The following MAGI2 variants were observed in gnomAD, a reference collection of about 807,000 sequenced individuals.
MAGI2 encodes the protein membrane-associated guanylate kinase, WW and PDZ domain-containing protein 2.
MAGI2 carries 35 observed loss-of-function variants against 133.3 expected under a neutral mutation model. The ratio of observed to expected loss-of-function variants is 0.26; its 90% CI spans 0.20 to 0.35. The LOEUF is 0.35. MAGI2 is among the 10% of genes least tolerant of loss of function. MAGI2 has a pLI of 1.00. For missense variants in MAGI2, 1,636 were observed against 1,863.4 expected, an observed-to-expected ratio of 0.88 and a Z score of 2.25; for synonymous variants, 729 against 710.6, an observed-to-expected ratio of 1.03 and a Z score of -0.41.
rs1328765225 is a variant in MAGI2, at chr7:79,453,386, T to C, written c.-66A>G. On this transcript the variant is annotated 5_prime_UTR_variant, in exon 1 of 22. Coordinates refer to ENST00000354212, the MANE Select transcript of MAGI2 (RefSeq NM_012301.4). ...GTTAGGGGGGCTGGTGGTGAGAGAA[T>C]GAGGATGGAGGAGCAAGGGGGCCCA... 7 of 1,530,160 alleles carry C rather than the reference T, an allele frequency of 4.6e-6. No homozygotes were observed. Among genetic ancestry groups the C allele is most frequent in the Non-Finnish European group, 6.1e-6 (7 of 1,142,870 alleles). The allele number at this position is 1,530,160 out of a possible 1,614,324, so 94.8% of individuals were successfully genotyped here.
chr7:78,324,923 G>A (rs139185986), intron 9 of MAGI2, among the ~76,000 whole-genome samples: 1,658 of 152,204 alleles, frequency 0.011, 30 homozygotes, highest in African/African-American at 0.038. Context: ...CCAAGATCGC[G>A]CCATTGTACT....
chr7:78,184,091 G>A (rs1434832368), intron 13 of MAGI2, among the ~76,000 whole-genome samples: 6 of 152,236 alleles, frequency 3.9e-5, no homozygotes, highest in African/African-American at 1.2e-4. Context: ...AAACTACTGG[G>A]CCATTCTCCT....
chr7:79,077,354 G>A (rs373347728), intron 1 of MAGI2, among the ~76,000 whole-genome samples: 192 of 151,440 alleles, frequency 1.3e-3, no homozygotes, highest in African/African-American at 4.5e-3. Flanking sequence ...TCAGGAAATC[G>A]ATACCATCCT....
intron 7 of MAGI2, among the ~76,000 whole-genome samples, chr7:78,352,193 G>A (rs1402903613): frequency 6.6e-6 from 1 of 152,116 alleles, no homozygotes; most frequent in South Asian, 2.1e-4. Flanking sequence ...TGGTTGATAG[G>A]GGAGGGACAA....
At chr7:78,125,111 G>A (rs184939438) in intron 20 of MAGI2, among the ~76,000 whole-genome samples, 33 of 152,050 alleles carry the variant, frequency 2.2e-4, no homozygotes, top group African/African-American at 7.5e-4. Context: ...TGATCCTCCC[G>A]CCTCAGCCTC....
In MAGI2 at chr7:78,345,941, C is replaced by T. The variant is rs1343763966; in HGVS notation, c.1206G>A (p.Leu402=). The T allele has an allele frequency of 6.2e-7, 1 of 1,614,010 alleles. No individual in the cohort carries two copies. The highest frequency in any genetic ancestry group is 2.2e-5 in the East Asian group (1 of 44,886). Residue 402 remains leucine, a synonymous_variant, in exon 8 of 22, where the codon CTG becomes CTA. Coordinates refer to ENST00000354212, the MANE Select transcript of MAGI2 (RefSeq NM_012301.4). The part of the protein sequence containing the change: ...MPHTELGTKP[L]QAPGFREKPL... ...TCATACCTCGGAAACCTGGGGCCTG[C>T]AGGGGCTTTGTTCCAAGTTCTGTGT... is the stretch of plus-strand genomic sequence containing the variant.
intron 1 of MAGI2, among the ~76,000 whole-genome samples, chr7:79,214,620 A>G (rs1477860765): frequency 7.1e-6 from 1 of 141,204 alleles, no homozygotes; most frequent in Non-Finnish European, 1.5e-5. Flanking sequence ...AAATTTATAT[A>G]AATATATATA....
At chr7:78,271,528 G>A (rs1562723486) in intron 9 of MAGI2, among the ~76,000 whole-genome samples, 1 of 152,160 alleles carries the variant, frequency 6.6e-6, no homozygotes, top group Non-Finnish European at 1.5e-5. Flanking sequence ...CAGAAGGAAT[G>A]GTACCAGATC....
intron 1 of MAGI2, among the ~76,000 whole-genome samples, chr7:79,128,396 C>T (rs1324481784): frequency 4.6e-5 from 7 of 152,286 alleles, no homozygotes; most frequent in African/African-American, 1.7e-4. Flanking sequence ...AGATATACTG[C>T]TTCAACTCAT....
intron 1 of MAGI2, among the ~76,000 whole-genome samples, chr7:79,278,106 T>A (rs1446293781): frequency 1.3e-5 from 2 of 152,160 alleles, no homozygotes; most frequent in Non-Finnish European, 1.5e-5. Flanking sequence ...AGGGGGCAGA[T>A]CCCTCATGAA....
At chr7:78,651,247 T>C (rs1436645655) in intron 2 of MAGI2, among the ~76,000 whole-genome samples, 1 of 152,164 alleles carries the variant, frequency 6.6e-6, no homozygotes, top group African/African-American at 2.4e-5. Context: ...AGTTGCTTTC[T>C]GATAATTCAT....
intron 7 of MAGI2, among the ~76,000 whole-genome samples, chr7:78,365,525 T>TAAGTAA: frequency 6.6e-6 from 1 of 152,314 alleles, no homozygotes; most frequent in South Asian, 2.1e-4. Context: ...AGCCAGGGTT[T>TAAGTAA]CCTCATCTGT....
At position 78,255,045 on chromosome 7, in the gene MAGI2, C is replaced by G. The variant is rs1448219944; in HGVS notation, c.2047+898G>C. On this transcript the variant is annotated intron_variant, in intron 10 of 21. Coordinates refer to ENST00000354212, the MANE Select transcript of MAGI2 (RefSeq NM_012301.4). ...TGGGAAAACCAGGGCTTAGCCTGAT[C>G]CTTTTCCTTTACACTCTTTTTTCGA... 9 of 152,410 alleles carry G rather than the reference C, an allele frequency of 5.9e-5. No individual in the cohort carries two copies. In the East Asian group the frequency reaches 1.7e-3, roughly 29 times the overall value. The allele number at this position is 152,410 out of a possible 1,614,324, so 9.4% of individuals were successfully genotyped here. A position where few individuals can be genotyped will look rare whatever the true frequency, so the allele number is the denominator to read the frequency against.
chr7:79,265,619 C>CTA (rs1362994673), intron 1 of MAGI2, among the ~76,000 whole-genome samples: 1 of 152,028 alleles, frequency 6.6e-6, no homozygotes, highest in Non-Finnish European at 1.5e-5. Context: ...CAATACAAAA[C>CTA]TATAGTCTTG....
chr7:78,518,079 T>C (rs1463879709), intron 4 of MAGI2: 2 of 152,044 alleles, frequency 1.3e-5, no homozygotes, highest in African/African-American at 4.8e-5. Context: ...AAAGTTTTGG[T>C]TAAATATATA....
intron 10 of MAGI2, among the ~76,000 whole-genome samples, chr7:78,235,729 G>A (rs942110405): frequency 4.6e-5 from 7 of 150,586 alleles, no homozygotes; most frequent in African/African-American, 9.7e-5. Flanking sequence ...TTATAGCAGC[G>A]TGAGAACAGA....
At chr7:79,077,827 T>C (rs1417195109) in intron 1 of MAGI2, among the ~76,000 whole-genome samples, 2 of 152,130 alleles carry the variant, frequency 1.3e-5, no homozygotes, top group Non-Finnish European at 2.9e-5. Context: ...TAGTACACTA[T>C]AGTCTAATCA....
intron 3 of MAGI2, among the ~76,000 whole-genome samples, chr7:78,576,201 TTTC>T (rs1017780094): frequency 2.6e-5 from 4 of 152,062 alleles, no homozygotes; most frequent in African/African-American, 9.7e-5. Flanking sequence ...GCTTTTTTTT[TTTC>T]TTGTTTTGTC....
chr7:78,967,355 C>T (rs1803406854), intron 2 of MAGI2, among the ~76,000 whole-genome samples: 1 of 151,980 alleles, frequency 6.6e-6, no homozygotes, highest in Non-Finnish European at 1.5e-5. Context: ...ATATTGACTC[C>T]TTATAGGATA....
Sources: allele counts gnomAD v4.1 joint callset (sites outside exome capture counted in the v4.1 genomes callset), GRCh38; gene constraint gnomAD v4.1.1; transcripts MANE v1.5; gene names NCBI Gene and HGNC (gene_info 2026-07-23, HGNC 2026-07-21).